The following SERINC5 variants were observed in gnomAD, a reference collection of about 807,000 sequenced individuals.
SERINC5 encodes serine incorporator 5.
Under a neutral mutation model 63.1 loss-of-function variants are expected in SERINC5, and 41 were observed. The ratio of observed to expected loss-of-function variants is 0.65; its 90% CI spans 0.51 to 0.84. The LOEUF is 0.84. Ranked by LOEUF, SERINC5 falls within the 40% of genes least tolerant of loss-of-function variation. The pLI is 0.00. For missense variants in SERINC5, 523 were observed against 573.0 expected (o/e 0.91, Z 0.89); for synonymous variants, 222 against 215.2 (o/e 1.03, Z -0.28).
intron 2 of SERINC5, among the ~76,000 whole-genome samples, chr5:80,200,002 T>C (rs1749728688): frequency 6.6e-6 from 1 of 152,182 alleles, no homozygotes; most frequent in South Asian, 2.1e-4. Flanking sequence ...CGCTTTCAGA[T>C]AGAAAAACTA....
At chr5:80,236,167 C>T (rs1580205779) in intron 1 of SERINC5, among the ~76,000 whole-genome samples, 1 of 152,086 alleles carries the variant, frequency 6.6e-6, no homozygotes, top group Non-Finnish European at 1.5e-5. Flanking sequence ...CGGTCCTCCC[C>T]AAAACTACAA....
chr5:80,255,301 G>A (rs1191374547), intron 1 of SERINC5: 1 of 154,022 alleles, frequency 6.5e-6, no homozygotes, highest in Non-Finnish European at 1.4e-5. Flanking sequence ...CTAGTACCGA[G>A]CCAGGGTTGG....
chr5:80,141,201 A>G lies in SERINC5; in HGVS notation c.*2462T>C, dbSNP rs1480075584. The G allele has an allele frequency of 1.0e-6, 1 of 985,326 alleles. No homozygotes were observed. The highest frequency in any genetic ancestry group is 1.1e-4 in the East Asian group (1 of 8,820). 61.0% of individuals were successfully genotyped at this position (985,326 alleles called of 1,614,324 possible). ...ACACGTGCTAACATTTTCAGCTGAG[A>G]ATAAAATTCAGAGCAACTGTAACTC... On this transcript the variant is annotated 3_prime_UTR_variant, in exon 12 of 12. Transcript: ENST00000507668.
intron 3 of SERINC5, 87 bp downstream of exon 3, chr5:80,177,799 A>G: frequency 2.0e-6 from 2 of 1,008,616 alleles, no homozygotes; most frequent in Non-Finnish European, 2.9e-6. Flanking sequence ...GGGCAGTCAC[A>G]GTGTCTGGTG....
chr5:80,255,219 T>TA (rs1271279129), intron 1 of SERINC5: 1 of 152,402 alleles, frequency 6.6e-6, no homozygotes, highest in Non-Finnish European at 1.5e-5. Context: ...AGGCGAGAGT[T>TA]AAAAAACAGG....
At chr5:80,233,805 C>CTTTTT (rs373920343) in intron 1 of SERINC5, among the ~76,000 whole-genome samples, 20 of 69,938 alleles carry the variant, frequency 2.9e-4, no homozygotes, top group Admixed American at 3.9e-4. Context: ...TCAACTTTTA[C>CTTTTT]TTTTTTTTTT....
chr5:80,234,290 C>T (rs1751588623), intron 1 of SERINC5, among the ~76,000 whole-genome samples: 1 of 152,162 alleles, frequency 6.6e-6, no homozygotes, highest in African/African-American at 2.4e-5. Context: ...ATCTTAGCAC[C>T]ATTGTTTTAG....
intron 2 of SERINC5, among the ~76,000 whole-genome samples, chr5:80,187,570 T>C (rs6863060): frequency 5.1e-4 from 77 of 152,296 alleles, no homozygotes; most frequent in African/African-American, 1.8e-3. Context: ...AGCTCATTTC[T>C]CAGTAAGTGA....
Position 80,146,224 on chromosome 5 carries a change from C to T in SERINC5, c.1104G>A (p.Glu368=). ...CFSPGGEDTE[E]QQPGKEGPRV... is the part of the protein sequence containing the mutation. ...GTGGTCCCTCCTTCCCCGGCTGCTG[C>T]TCTTCAGTGTCTGTGAAGCACAGAG... Residue 368 remains glutamate, a synonymous_variant, in exon 11 of 12, where the codon GAG becomes GAA. Coordinates refer to ENST00000507668, the MANE Select transcript of SERINC5 (RefSeq NM_001174072.3). 1 of 1,613,960 alleles carries T rather than the reference C, an allele frequency of 6.2e-7. No homozygotes were observed. The highest frequency in any genetic ancestry group is 1.6e-4 in the Middle Eastern group (1 of 6,062).
intron 1 of SERINC5, among the ~76,000 whole-genome samples, chr5:80,221,259 C>T (rs949087686): frequency 6.6e-5 from 10 of 152,172 alleles, no homozygotes. Context: ...CGACAGCAGG[C>T]ACATTTAACA....
chr5:80,246,327 G>A (rs1242238534), intron 1 of SERINC5, among the ~76,000 whole-genome samples: 3 of 152,090 alleles, frequency 2.0e-5, no homozygotes, highest in Non-Finnish European at 1.5e-5. Context: ...ATTCCACAAA[G>A]ACCTCATGAA....
chr5:80,141,364 T>C lies in SERINC5; in HGVS notation c.*2299A>G, dbSNP rs1456519187. The C allele has an allele frequency of 5.1e-6, 5 of 985,292 alleles. No homozygotes were observed. Among genetic ancestry groups the C allele is most frequent in the African/African-American group, 1.7e-5 (1 of 57,228 alleles). The allele number at this position is 985,292 out of a possible 1,614,324, so 61.0% of individuals were successfully genotyped here. A position where few individuals can be genotyped will look rare whatever the true frequency, so the allele number is the denominator to read the frequency against. On this transcript the variant is annotated 3_prime_UTR_variant, in exon 12 of 12. Transcript: ENST00000507668. Reference sequence around the variant, plus strand: ...CTTCTACCGGCCACACTCCCTTGCTTGGGCTTCCCTAAGCTGCTTTCTGCA... The same window carrying C: ...CTTCTACCGGCCACACTCCCTTGCTCGGGCTTCCCTAAGCTGCTTTCTGCA...
intron 11 of SERINC5, among the ~76,000 whole-genome samples, chr5:80,119,413 C>T (rs376431556): frequency 1.1e-4 from 17 of 152,098 alleles, no homozygotes; most frequent in Non-Finnish European, 1.5e-4. Flanking sequence ...TCTAAAGGAG[C>T]GAATTAGAGG....
At chr5:80,147,218 T>G in intron 10 of SERINC5, 27 bp downstream of exon 10, 7 of 1,583,282 alleles carry the variant, frequency 4.4e-6, no homozygotes, top group Non-Finnish European at 6.0e-6. Context: ...GCCACACAGG[T>G]GCAAAGAATA....
At chr5:80,202,241 A>G (rs1447246032) in intron 2 of SERINC5, among the ~76,000 whole-genome samples, 1 of 152,140 alleles carries the variant, frequency 6.6e-6, no homozygotes, top group Non-Finnish European at 1.5e-5. Context: ...TCTGTCTCGA[A>G]AAAAAAGAAG....
chr5:80,233,720 C>G (rs1751556676), intron 1 of SERINC5, among the ~76,000 whole-genome samples: 1 of 149,672 alleles, frequency 6.7e-6, no homozygotes, highest in South Asian at 2.1e-4. Context: ...GCTGAAATTG[C>G]TTCATATGTT....
In SERINC5 at chr5:80,150,946, A is replaced by C. The variant is rs1179650565; in HGVS notation, c.989T>G (p.Leu330Trp). The C allele has an allele frequency of 6.2e-7, 1 of 1,612,344 alleles. No individual in the cohort carries two copies. The highest frequency in any genetic ancestry group is 1.3e-5 in the African/African-American group (1 of 74,914). ...AGAACTCGATCTTGTTGTTGATGTC[A>C]AACTAAGAAACAGACAAAAACGTCA... ...LLIGCILYSC[L>W]TSTTRSSSDA... The change falls in exon 9 of 12, where the codon TTG becomes TGG. Residue 330 changes from leucine to tryptophan, a missense_variant and splice_region_variant. Physicochemically the swap from Leu to Trp is moderately conservative, Grantham distance 61 (BLOSUM62 -2). Coordinates refer to ENST00000507668, the MANE Select transcript of SERINC5 (RefSeq NM_001174072.3).
intron 2 of SERINC5, among the ~76,000 whole-genome samples, chr5:80,202,658 G>C (rs981433287): frequency 7.9e-5 from 12 of 151,622 alleles, no homozygotes; most frequent in African/African-American, 2.9e-4. Flanking sequence ...AAAAGCATCA[G>C]ATAGAATCTA....
In SERINC5 at chr5:80,139,002, C is replaced by T; in HGVS notation, c.*4661G>A. On this transcript the variant is annotated 3_prime_UTR_variant, in exon 12 of 12. Transcript: ENST00000507668. ...TTCTAGAAAAATTAACATTAAAAAA[C>T]AAATAGAAATCCATGACTAAAGGGG... 1.0e-6 allele frequency: 1 copy of T among 981,880 alleles called. No individual in the cohort carries two copies. Among genetic ancestry groups the T allele is most frequent in the Non-Finnish European group, 1.2e-6 (1 of 826,826 alleles). 60.8% of individuals were successfully genotyped at this position (981,880 alleles called of 1,614,324 possible). A position where few individuals can be genotyped will look rare whatever the true frequency, so the allele number is the denominator to read the frequency against.
Sources: allele counts gnomAD v4.1 joint callset (sites outside exome capture counted in the v4.1 genomes callset), GRCh38; gene constraint gnomAD v4.1.1; transcripts MANE v1.5; gene names NCBI Gene and HGNC (gene_info 2026-07-23, HGNC 2026-07-21).